Variants in DDR2 observed in about 807,000 individuals in gnomAD.
DDR2 encodes discoidin domain-containing receptor 2.
In DDR2, 27 loss-of-function variants were observed where a neutral mutation model predicts 94.9. The ratio of observed to expected loss-of-function variants is 0.28; its 90% CI spans 0.21 to 0.39. DDR2 has a LOEUF of 0.39. DDR2 is among the 10% of genes least tolerant of loss of function. DDR2 has a pLI of 1.00. For synonymous variants in DDR2, 382 were observed against 377.2 expected (o/e 1.01, Z -0.15); for missense variants, 783 against 1,076.0 (o/e 0.73, Z 3.81).
At chr1:162,682,165 T>C (rs7542129) in intron 2 of DDR2, among the ~76,000 whole-genome samples, 25,054 of 152,058 alleles carry the variant, frequency 0.16, 2,812 homozygotes, top group African/African-American at 0.28. Context: ...TGGGGGTCCA[T>C]GTTTATCTTG....
chr1:162,671,826 A>G (rs1412638102), intron 2 of DDR2, among the ~76,000 whole-genome samples: 3 of 152,028 alleles, frequency 2.0e-5, no homozygotes, highest in Non-Finnish European at 2.9e-5. Context: ...TGTTATCACA[A>G]TTCGTTTTGT....
intron 2 of DDR2, among the ~76,000 whole-genome samples, chr1:162,702,193 A>C (rs1473366795): frequency 6.6e-6 from 1 of 152,068 alleles, no homozygotes; most frequent in Non-Finnish European, 1.5e-5. Context: ...TTGTGCATAA[A>C]GTTCTGAATC....
In DDR2 at chr1:162,776,311, C is replaced by T. The variant is rs374058699; in HGVS notation, c.2224C>T (p.Arg742Trp). 20 of 1,613,826 alleles carry T rather than the reference C, an allele frequency of 1.2e-5. 1 individual carries two copies. In the East Asian group the frequency reaches 1.3e-4, roughly 11 times the overall value. Reference sequence around the variant, plus strand: ...GAACCTGTACAGTGGTGACTATTACCGGATCCAGGGCCGGGCAGTGCTCCC... The same window carrying T: ...GAACCTGTACAGTGGTGACTATTACTGGATCCAGGGCCGGGCAGTGCTCCC... ...SRNLYSGDYY[R>W]IQGRAVLPIR... The change falls in exon 16 of 18, where the codon CGG (arginine) becomes TGG (tryptophan). Residue 742 changes from arginine (R) to tryptophan (W), a missense_variant. Physicochemically the swap from Arg to Trp is moderately radical, Grantham distance 101 (BLOSUM62 -3). This residue lies in a region of DDR2 where 264 missense variants were observed against 428.2 expected (regional missense o/e 0.62). Coordinates refer to ENST00000367921, the MANE Select transcript of DDR2 (RefSeq NM_006182.4).
chr1:162,705,534 A>ATTCCTTCTGGAT (rs1314401859), intron 2 of DDR2, among the ~76,000 whole-genome samples: 1 of 152,036 alleles, frequency 6.6e-6, no homozygotes, highest in East Asian at 1.9e-4. Context: ...TCAGGGGGCA[A>ATTCCTTCTGGAT]CTCTATTCTG....
Position 162,785,225 on chromosome 1 carries a change from T to G in DDR2, c.*4979T>G, listed in dbSNP as rs1250921483. 1.3e-5 allele frequency: 2 copies of G among 152,118 alleles called. No homozygotes were observed. Among genetic ancestry groups the G allele is most frequent in the Non-Finnish European group, 1.5e-5 (1 of 68,008 alleles). The allele number at this position is 152,118 out of a possible 1,614,324, so 9.4% of individuals were successfully genotyped here. On this transcript the variant is annotated 3_prime_UTR_variant, in exon 18 of 18. Transcript: ENST00000367921. The stretch of plus-strand genomic sequence containing the variant: ...GGATATTCTAGATGCTTCCTGCTGC[T>G]TCTACGTGAGTAGGATTAGCACTGG...
intron 16 of DDR2, among the ~76,000 whole-genome samples, chr1:162,778,375 A>G (rs1647706874): frequency 6.6e-6 from 1 of 152,170 alleles, no homozygotes; most frequent in Non-Finnish European, 1.5e-5. Flanking sequence ...CAGCTCTTGG[A>G]TCTCATCCCC....
rs1224108549 is a variant in DDR2 at position 162,741,258 on chromosome 1, GTAATGTAATATAATA to G, written c.83-11832_83-11818del. Among the ~76,000 whole-genome samples, 15 of 106,998 alleles carry G rather than the reference GTAATGTAATATAATA, an allele frequency of 1.4e-4. 1 individual carries two copies. Among genetic ancestry groups the G allele is most frequent in the African/African-American group, 5.3e-4 (14 of 26,200 alleles). The allele number at this position is 106,998 out of a possible 152,430, so 70.2% of individuals were successfully genotyped here. The stretch of plus-strand genomic sequence containing the variant: ...ATAATATAATATAGTATAATGTAAT[GTAATGTAATATAATA>G]TAATATAATATAATATAATATAATA... On this transcript the variant is annotated intron_variant, in intron 3 of 17. Transcript: ENST00000367921.
Position 162,754,775 on chromosome 1 carries a change from G to A in DDR2, c.337G>A (p.Glu113Lys), listed in dbSNP as rs397514747. 1 of 1,614,016 alleles carries A rather than the reference G, an allele frequency of 6.2e-7. No homozygotes were observed. The highest frequency in any genetic ancestry group is 1.1e-5 in the South Asian group (1 of 91,068). Residue 113 changes from glutamate to lysine, a missense_variant, in exon 5 of 18, where the codon GAG (glutamate) becomes AAG (lysine). Physicochemically the swap from Glu to Lys is moderately conservative, Grantham distance 56. Transcript: ENST00000367921. ...QGRHAGGHGI[E>K]FAPMYKINYS... Reference sequence around the variant, plus strand: ...GCGCCATGCAGGAGGTCATGGCATCGAGTTTGCCCCCATGTACAAGATCAA... The same window carrying A: ...GCGCCATGCAGGAGGTCATGGCATCAAGTTTGCCCCCATGTACAAGATCAA...
chr1:162,782,890 G>T lies in DDR2; in HGVS notation c.*2644G>T, dbSNP rs768569430. The T allele has an allele frequency of 3.3e-5, 5 of 152,122 alleles. No individual in the cohort carries two copies. Among genetic ancestry groups the T allele is most frequent in the Non-Finnish European group, 5.9e-5 (4 of 68,020 alleles). 9.4% of individuals were successfully genotyped at this position (152,122 alleles called of 1,614,324 possible). A position where few individuals can be genotyped will look rare whatever the true frequency, so the allele number is the denominator to read the frequency against. Reference sequence around the variant, plus strand: ...TGTGTCCTTTTCTGGGATGAGGAAGGCTTCAACTTCTGGCACTGAGAACTT... The same window carrying T: ...TGTGTCCTTTTCTGGGATGAGGAAGTCTTCAACTTCTGGCACTGAGAACTT... On this transcript the variant is annotated 3_prime_UTR_variant, in exon 18 of 18. Coordinates refer to ENST00000367921, the MANE Select transcript of DDR2 (RefSeq NM_006182.4).
chr1:162,661,338 G>A (rs1658285923), intron 2 of DDR2, among the ~76,000 whole-genome samples: 1 of 152,174 alleles, frequency 6.6e-6, no homozygotes, highest in Non-Finnish European at 1.5e-5. Context: ...CTGGGACCAA[G>A]GAAATAAAAA....
intron 1 of DDR2, among the ~76,000 whole-genome samples, chr1:162,636,507 T>C (rs1454977870): frequency 6.6e-6 from 1 of 152,198 alleles, no homozygotes; most frequent in Non-Finnish European, 1.5e-5. Flanking sequence ...AGGTTAGTGC[T>C]GGCTGGTGCT....
upstream of DDR2, chr1:162,632,407 T>C (rs1213742064): frequency 6.6e-6 from 1 of 152,138 alleles, no homozygotes; most frequent in Non-Finnish European, 1.5e-5. Flanking sequence ...GTGCAATATA[T>C]TGGATGCTGG....
Position 162,725,968 on chromosome 1 carries a change from G to A in DDR2, c.82+6823G>A, listed in dbSNP as rs1661644299. Among the ~76,000 whole-genome samples the A allele has an allele frequency of 2.0e-5, 3 of 152,346 alleles. No homozygotes were observed. The South Asian group carries it at 6.2e-4, about 32-fold the overall frequency. ...GGTTTAGGGAGATAAAGTGATGGGA[G>A]GAAACATGTTTGAAAAGACTATTAG... is the stretch of plus-strand genomic sequence containing the variant. On this transcript the variant is annotated intron_variant, in intron 3 of 17. Coordinates refer to ENST00000367921, the MANE Select transcript of DDR2 (RefSeq NM_006182.4).
chr1:162,764,392 T>TAAA lies in DDR2; in HGVS notation c.1100-1592_1100-1590dup, dbSNP rs375251287. On this transcript the variant is annotated intron_variant, in intron 9 of 17. Coordinates refer to ENST00000367921, the MANE Select transcript of DDR2 (RefSeq NM_006182.4). ...GGAAGATGAAAGATACAGAATGCTT[T>TAAA]AAAAAAAAAAAAAAAAAAAGAAATG... Among the ~76,000 whole-genome samples, 269 of 122,588 alleles carry TAAA rather than the reference T, an allele frequency of 2.2e-3. 5 individuals are homozygous for TAAA. The East Asian group carries it at 0.031, about 14-fold the overall frequency. The allele number at this position is 122,588 out of a possible 152,430, so 80.4% of individuals were successfully genotyped here. A position where few individuals can be genotyped will look rare whatever the true frequency, so the allele number is the denominator to read the frequency against.
intron 1 of DDR2, among the ~76,000 whole-genome samples, chr1:162,647,535 T>C (rs1024830474): frequency 1.1e-4 from 16 of 152,218 alleles, no homozygotes; most frequent in Admixed American, 7.2e-4. Flanking sequence ...GGCAGAGCAG[T>C]GGCATGAGCT....
intron 1 of DDR2, among the ~76,000 whole-genome samples, chr1:162,646,375 G>A (rs113436855): frequency 9.0e-4 from 137 of 152,248 alleles, no homozygotes; most frequent in African/African-American, 2.8e-3. Flanking sequence ...TGACAATTGT[G>A]AGGACTTCTG....
intron 2 of DDR2, among the ~76,000 whole-genome samples, chr1:162,669,773 G>A (rs1229170410): frequency 6.6e-6 from 1 of 152,190 alleles, no homozygotes; most frequent in Non-Finnish European, 1.5e-5. Context: ...ATTTGGGCTT[G>A]AAATGTTCTA....
chr1:162,772,258 T>G lies in DDR2; in HGVS notation c.1728+11T>G. 6.2e-7 allele frequency: 1 copy of G among 1,613,708 alleles called. No homozygotes were observed. Among genetic ancestry groups the G allele is most frequent in the Admixed American group, 1.7e-5 (1 of 59,974 alleles). ...GGACAGTTTGGGGAGGTGAGTTGAT[T>G]CTTTGATTCCCTTATAGCTCGAAGA... On this transcript the variant is annotated intron_variant, in intron 13 of 17. Transcript: ENST00000367921.
At position 162,786,456 on chromosome 1, in the gene DDR2, T is replaced by C. The variant is rs528397478; in HGVS notation, c.*6210T>C. The C allele has an allele frequency of 6.6e-6, 1 of 152,376 alleles. No individual in the cohort carries two copies. The highest frequency in any genetic ancestry group is 6.5e-5 in the Admixed American group (1 of 15,312). The allele number at this position is 152,376 out of a possible 1,614,324, so 9.4% of individuals were successfully genotyped here. ...TTCCAAATAGAATATGTAAAATTTC[T>C]CTGTATTAGAAAAAGAAACGTGATA... On this transcript the variant is annotated 3_prime_UTR_variant, in exon 18 of 18. Coordinates refer to ENST00000367921, the MANE Select transcript of DDR2 (RefSeq NM_006182.4).
Sources: gnomAD v4.1 joint callset for allele counts (sites outside exome capture counted in the v4.1 genomes callset) on GRCh38, gnomAD v4.1.1 for gene constraint, gnomAD v4.1.1 regional missense constraint, MANE v1.5 for transcripts, NCBI Gene and HGNC (gene_info 2026-07-23, HGNC 2026-07-21) for gene names.